Variants in SLC22A11 observed in about 807,000 individuals in gnomAD.
The protein encoded by SLC22A11 is organic anion transporter 4.
A neutral mutation model predicts 49.4 loss-of-function variants in SLC22A11; 42 were observed. That is an observed-to-expected ratio of 0.85 (90% CI 0.66 to 1.10). The LOEUF (loss-of-function observed/expected upper bound fraction) is 1.10, where lower values mean the gene tolerates loss of function less well. Among genes scored for constraint, SLC22A11 ranks in the 50% least tolerant of loss-of-function variants. The pLI is 0.00. For synonymous variants in SLC22A11, 304 were observed against 315.8 expected, an observed-to-expected ratio of 0.96 and a Z score of 0.40; for missense variants, 685 against 731.6, an observed-to-expected ratio of 0.94 and a Z score of 0.74.
At position 64,559,218 on chromosome 11, in the gene SLC22A11, C is replaced by G; in HGVS notation, c.477C>G (p.Ile159Met). ...FMSGILVGSF[I>M]WGLLSYRFGR... ...CCGGGATCCTGGTGGGCTCCTTTAT[C>G]TGGGGCCTCCTCTCCTACCGGTGAG... Residue 159 changes from isoleucine (I) to methionine (M), a missense_variant, in exon 2 of 10, where the codon ATC (isoleucine) becomes ATG (methionine). Transcript: ENST00000301891. 3 of 1,608,486 alleles carry G rather than the reference C, an allele frequency of 1.9e-6. No homozygotes were observed. Among genetic ancestry groups the G allele is most frequent in the Non-Finnish European group, 2.6e-6 (3 of 1,176,456 alleles).
chr11:64,568,478 C>T (rs1455469967), intron 7 of SLC22A11, among the ~76,000 whole-genome samples, 192 bp from the exon 8 acceptor site: 2 of 152,224 alleles, frequency 1.3e-5, no homozygotes, highest in Non-Finnish European at 2.9e-5. Context: ...CCCCTCGGGC[C>T]CCTGCCGCGA....
Position 64,569,747 on chromosome 11 carries a change from C to G in SLC22A11, c.1478C>G (p.Pro493Arg). The G allele has an allele frequency of 2.5e-6, 4 of 1,614,194 alleles. No homozygotes were observed. The highest frequency in any genetic ancestry group is 3.4e-6 in the Non-Finnish European group (4 of 1,180,040). Residue 493 changes from proline to arginine, a missense_variant, in exon 9 of 10, where the codon CCT becomes CGT. Coordinates refer to ENST00000301891, the MANE Select transcript of SLC22A11 (RefSeq NM_018484.4). Reference sequence around the variant, plus strand: ...AGCCGCCAAGCCCTGCCCCTGCTGCCTCCTCTCCTCTATGGCGTTATCTCC... The same window carrying G: ...AGCCGCCAAGCCCTGCCCCTGCTGCGTCCTCTCCTCTATGGCGTTATCTCC... ...LMSRQALPLL[P>R]PLLYGVISIA... is the part of the protein sequence containing the mutation.
rs748937339 is a variant in SLC22A11, at chr11:64,564,395, T to A, written c.909T>A (p.Asn303Lys). 2.5e-6 allele frequency: 4 copies of A among 1,614,054 alleles called. No individual in the cohort carries two copies. Among genetic ancestry groups the A allele is most frequent in the Admixed American group, 3.3e-5 (2 of 60,004 alleles). ...AGCTCAGAAAGGTGGCCAGGATAAA[T>A]GGCCACAAGGAGGCCAAGAACCTGA... ...LQELRKVARI[N>K]GHKEAKNLTI... Residue 303 changes from asparagine to lysine, a missense_variant, in exon 5 of 10, where the codon AAT (asparagine) becomes AAA (lysine). Physicochemically the swap from Asn to Lys is moderately conservative, Grantham distance 94. Coordinates refer to ENST00000301891, the MANE Select transcript of SLC22A11 (RefSeq NM_018484.4). This position sits in a 1 kb window ranked among gnomAD's most constrained non-coding sequence, Gnocchi z 4.2.
Position 64,564,239 on chromosome 11 carries a change from GC to G in SLC22A11, c.822-65del. On this transcript the variant is annotated intron_variant, in intron 4 of 9. Coordinates refer to ENST00000301891, the MANE Select transcript of SLC22A11 (RefSeq NM_018484.4). This position sits in a 1 kb window ranked among gnomAD's most constrained non-coding sequence, Gnocchi z 4.2. ...CTCAGCTGGAGGGTCCGTGCCCACTGCCCCTTTCCACCCCGCCCCGGGGGAG... is the reference window on the plus strand; with the variant it reads ...CTCAGCTGGAGGGTCCGTGCCCACTGCCCTTTCCACCCCGCCCCGGGGGAG... 6.3e-7 allele frequency: 1 copy of G among 1,596,494 alleles called. No individual in the cohort carries two copies. Among genetic ancestry groups the G allele is most frequent in the Middle Eastern group, 1.7e-4 (1 of 5,950 alleles).
Position 64,565,165 on chromosome 11 carries a change from G to C in SLC22A11, c.943-57G>C. ...CACTTGGACACTGTTCTCTGGCACA[G>C]GGGGTGGGGCAGGGCCATTGCCCTA... On this transcript the variant is annotated intron_variant, in intron 5 of 9. Coordinates refer to ENST00000301891, the MANE Select transcript of SLC22A11 (RefSeq NM_018484.4). The surrounding 1 kb of genome is among the most constrained non-coding windows in gnomAD (Gnocchi z 4.1). 4.5e-6 allele frequency: 6 copies of C among 1,332,888 alleles called. No individual in the cohort carries two copies. The highest frequency in any genetic ancestry group is 6.2e-6 in the Non-Finnish European group (6 of 972,404). 82.6% of individuals were successfully genotyped at this position (1,332,888 alleles called of 1,614,324 possible). A position where few individuals can be genotyped will look rare whatever the true frequency, so the allele number is the denominator to read the frequency against.
intron 1 of SLC22A11, among the ~76,000 whole-genome samples, chr11:64,558,358 G>C (rs1028417885): frequency 1.9e-4 from 29 of 152,236 alleles, no homozygotes; most frequent in African/African-American, 4.8e-4. Flanking sequence ...AAGCTCTGTG[G>C]GGGGATGGGG....
At position 64,564,185 on chromosome 11, in the gene SLC22A11, A is replaced by G. The variant is rs1263353659; in HGVS notation, c.822-123A>G. The G allele has an allele frequency of 2.3e-6, 3 of 1,280,368 alleles. No individual in the cohort carries two copies. The allele number at this position is 1,280,368 out of a possible 1,614,324, so 79.3% of individuals were successfully genotyped here. A position where few individuals can be genotyped will look rare whatever the true frequency, so the allele number is the denominator to read the frequency against. On this transcript the variant is annotated intron_variant, in intron 4 of 9. Coordinates refer to ENST00000301891, the MANE Select transcript of SLC22A11 (RefSeq NM_018484.4). This position sits in a 1 kb window ranked among gnomAD's most constrained non-coding sequence, Gnocchi z 4.2. ...AGGCTCCTGGCTGGGCAGCAGCGGCACAGAAGCATGTGCTTCCTCATCACT... is the reference window on the plus strand; with the variant it reads ...AGGCTCCTGGCTGGGCAGCAGCGGCGCAGAAGCATGTGCTTCCTCATCACT...
At position 64,564,838 on chromosome 11, in the gene SLC22A11, G is replaced by A. The variant is rs2038601242; in HGVS notation, c.943-384G>A. On this transcript the variant is annotated intron_variant, in intron 5 of 9. Transcript: ENST00000301891. This position sits in a 1 kb window ranked among gnomAD's most constrained non-coding sequence, Gnocchi z 4.2. ...CCTCCATCACCCACCACCTCCACCT[G>A]CATGTAGCACGCACCCACCTCATGG... 6.6e-6 allele frequency among the ~76,000 whole-genome samples: 1 copy of A among 152,140 alleles called. No homozygotes were observed. Among genetic ancestry groups the A allele is most frequent in the African/African-American group, 2.4e-5 (1 of 41,442 alleles).
Position 64,556,318 on chromosome 11 carries a change from G to A in SLC22A11, c.319G>A (p.Glu107Lys), listed in dbSNP as rs749338954. ...CAATGCCACGGCCACCAGCTGGAGC[G>A]AAGCTGACACGGAGCCGTGTGTGGA... ...DPNATATSWS[E>K]ADTEPCVDGW... The change falls in exon 1 of 10, where the codon GAA becomes AAA. Residue 107 changes from glutamate (E) to lysine (K), a missense_variant. Glu to Lys is a moderately conservative substitution (Grantham distance 56). Coordinates refer to ENST00000301891, the MANE Select transcript of SLC22A11 (RefSeq NM_018484.4). 1.7e-5 allele frequency: 28 copies of A among 1,613,438 alleles called. No homozygotes were observed. The East Asian group carries it at 2.2e-4, about 13-fold the overall frequency.
chr11:64,570,148 G>A (rs2038684911), intron 9 of SLC22A11, among the ~76,000 whole-genome samples: 1 of 152,206 alleles, frequency 6.6e-6, no homozygotes, highest in Admixed American at 6.5e-5. Flanking sequence ...AGGTTGCCTG[G>A]GCCCACGTTC....
At position 64,556,030 on chromosome 11, in the gene SLC22A11, G is replaced by A. The variant is rs749252491; in HGVS notation, c.31G>A (p.Gly11Arg). The change falls in exon 1 of 10, where the codon GGA becomes AGA. Residue 11 changes from glycine (G) to arginine (R), a missense_variant. Coordinates refer to ENST00000301891, the MANE Select transcript of SLC22A11 (RefSeq NM_018484.4). MAFSKLLEQA[G>R]GVGLFQTLQV... Reference sequence around the variant, plus strand: ...GTTCTCGAAGCTCTTGGAGCAAGCCGGAGGCGTGGGCCTCTTCCAGACCCT... The same window carrying A: ...GTTCTCGAAGCTCTTGGAGCAAGCCAGAGGCGTGGGCCTCTTCCAGACCCT... 175 of 1,612,358 alleles carry A rather than the reference G, an allele frequency of 1.1e-4. No individual in the cohort carries two copies. Among genetic ancestry groups the A allele is most frequent in the Non-Finnish European group, 1.3e-4 (154 of 1,179,904 alleles).
chr11:64,567,307 A>C (rs2038638017), intron 6 of SLC22A11, among the ~76,000 whole-genome samples: 1 of 152,224 alleles, frequency 6.6e-6, no homozygotes, highest in Non-Finnish European at 1.5e-5. Flanking sequence ...CCCCGAGGGC[A>C]GACTTGGTCC....
intron 8 of SLC22A11, 139 bp from the exon 9 acceptor site, chr11:64,569,513 G>A (rs2135427259): frequency 1.2e-6 from 1 of 814,788 alleles, no homozygotes; most frequent in Non-Finnish European, 1.9e-6. Flanking sequence ...CTCCGTGGAG[G>A]AGGTGGCATT....
intron 2 of SLC22A11, among the ~76,000 whole-genome samples, chr11:64,561,054 G>C (rs1217192315): frequency 6.6e-6 from 1 of 152,208 alleles, no homozygotes; most frequent in African/African-American, 2.4e-5. Context: ...GCTCAGACAG[G>C]TGCGGCCAAG....
Position 64,571,110 on chromosome 11 carries a change from G to A in SLC22A11, c.*68G>A, listed in dbSNP as rs2135428298. ...AAAGGAGTTGCCTCTTCTCCAATCA[G>A]AGCGTGGAGGCGAGTTGGGCGACTT... On this transcript the variant is annotated 3_prime_UTR_variant, in exon 10 of 10. Coordinates refer to ENST00000301891, the MANE Select transcript of SLC22A11 (RefSeq NM_018484.4). 1 of 1,561,006 alleles carries A rather than the reference G, an allele frequency of 6.4e-7. No individual in the cohort carries two copies. The highest frequency in any genetic ancestry group is 2.2e-5 in the East Asian group (1 of 44,602).
intron 7 of SLC22A11, 132 bp downstream of exon 7, chr11:64,567,945 T>C: frequency 1.1e-6 from 1 of 946,040 alleles, no homozygotes; most frequent in South Asian, 1.7e-5. Flanking sequence ...TGAGGGAGGC[T>C]ATGAGGACCT....
chr11:64,563,778 T>C (rs1004342113), intron 4 of SLC22A11, among the ~76,000 whole-genome samples: 20 of 151,730 alleles, frequency 1.3e-4, no homozygotes, highest in African/African-American at 4.8e-4. Flanking sequence ...AAATTAGCCA[T>C]GGTGGTGCAC....
chr11:64,557,891 G>T (rs2038486086), intron 1 of SLC22A11, among the ~76,000 whole-genome samples: 1 of 150,386 alleles, frequency 6.6e-6, no homozygotes, highest in Non-Finnish European at 1.5e-5. Flanking sequence ...TCCACCTTCT[G>T]GGTCCAAGCG....
Position 64,556,086 on chromosome 11 carries a change from C to T in SLC22A11, c.87C>T (p.Leu29=). 1 of 1,614,166 alleles carries T rather than the reference C, an allele frequency of 6.2e-7. No homozygotes were observed. The highest frequency in any genetic ancestry group is 8.5e-7 in the Non-Finnish European group (1 of 1,180,038). ...LQVLTFILPC[L]MIPSQMLLEN... The stretch of plus-strand genomic sequence containing the variant: ...TGCTCACCTTCATCCTCCCCTGCCT[C>T]ATGATACCTTCCCAGATGCTCCTGG... Residue 29 remains leucine (L), a synonymous_variant, in exon 1 of 10, where the codon CTC becomes CTT. Transcript: ENST00000301891.
Sources: gnomAD v4.1 joint callset for allele counts (sites outside exome capture counted in the v4.1 genomes callset) on GRCh38, gnomAD v4.1.1 for gene constraint, Gnocchi (gnomAD v3.1) non-coding constraint, MANE v1.5 for transcripts, NCBI Gene and HGNC (gene_info 2026-07-23, HGNC 2026-07-21) for gene names.